HERPUD2: variants seen among roughly 807,000 people sequenced by gnomAD.
HERPUD2 encodes HERPUD family member 2.
HERPUD2 carries 13 observed loss-of-function variants against 49.9 expected under a neutral mutation model. The observed-to-expected ratio is 0.26, with a 90% CI of 0.17 to 0.41. The LOEUF (loss-of-function observed/expected upper bound fraction) is 0.41. HERPUD2 is among the 10% of genes least tolerant of loss of function. HERPUD2 has a pLI of 1.00. For missense variants in HERPUD2, 449 were observed against 492.2 expected (o/e 0.91, Z 0.83); for synonymous variants, 172 against 171.4 (o/e 1.00, Z -0.03).
At chr7:35,692,387 G>T (rs1295061812) in intron 2 of HERPUD2, among the ~76,000 whole-genome samples, 1 of 152,172 alleles carries the variant, frequency 6.6e-6, no homozygotes, top group Non-Finnish European at 1.5e-5. Context: ...ACAATGTAAA[G>T]ATCTCGCCTA....
intron 5 of HERPUD2, among the ~76,000 whole-genome samples, chr7:35,661,657 A>G (rs1785424790): frequency 6.6e-6 from 1 of 152,188 alleles, no homozygotes; most frequent in African/African-American, 2.4e-5. Context: ...GAGTTCACTC[A>G]TGATTTGGCT....
chr7:35,685,149 G>A (rs182805720), intron 2 of HERPUD2, among the ~76,000 whole-genome samples: 12 of 151,834 alleles, frequency 7.9e-5, no homozygotes, highest in Non-Finnish European at 1.8e-4. Context: ...GCTGGGGTAG[G>A]AGGATCACTT....
intron 5 of HERPUD2, among the ~76,000 whole-genome samples, chr7:35,660,927 G>A (rs1785404987): frequency 1.3e-5 from 2 of 152,250 alleles, no homozygotes; most frequent in South Asian, 4.2e-4. Flanking sequence ...CATTGCTTTT[G>A]GTGTTTTAGA....
chr7:35,658,014 T>G (rs1302201299), intron 5 of HERPUD2, among the ~76,000 whole-genome samples: 1 of 152,068 alleles, frequency 6.6e-6, no homozygotes, highest in East Asian at 1.9e-4. Context: ...AGGAAAAGTA[T>G]GTCAAAGATA....
At chr7:35,634,223 G>C in intron 8 of HERPUD2, 89 bp downstream of exon 8, 2 of 815,240 alleles carry the variant, frequency 2.5e-6, no homozygotes, top group East Asian at 4.9e-5. Flanking sequence ...AATACTTATG[G>C]AACATCCAAC....
At chr7:35,658,766 AGACT>A (rs1785344654) in intron 5 of HERPUD2, among the ~76,000 whole-genome samples, 1 of 152,216 alleles carries the variant, frequency 6.6e-6, no homozygotes, top group South Asian at 2.1e-4. Context: ...ACCACACAAC[AGACT>A]GAGTCCAAAA....
At chr7:35,655,151 C>T in intron 5 of HERPUD2, among the ~76,000 whole-genome samples, 1 of 152,154 alleles carries the variant, frequency 6.6e-6, no homozygotes, top group East Asian at 1.9e-4. Context: ...CTGTGCCCAG[C>T]CTTGACCAAT....
At chr7:35,638,840 C>T (rs1784917573) in intron 5 of HERPUD2, among the ~76,000 whole-genome samples, 1 of 151,738 alleles carries the variant, frequency 6.6e-6, no homozygotes, top group South Asian at 2.1e-4. Context: ...AATTTCATGA[C>T]AAAATATTTT....
At chr7:35,641,339 G>GA (rs1378040687) in intron 5 of HERPUD2, among the ~76,000 whole-genome samples, 2 of 151,824 alleles carry the variant, frequency 1.3e-5, no homozygotes, top group African/African-American at 2.4e-5. Flanking sequence ...TTGCTCTATG[G>GA]AAAAAAAATT....
At chr7:35,654,152 C>T (rs1481314838) in intron 5 of HERPUD2, among the ~76,000 whole-genome samples, 2 of 151,680 alleles carry the variant, frequency 1.3e-5, no homozygotes, top group Non-Finnish European at 2.9e-5. Context: ...CAAAAATACA[C>T]CCCCAAGAAC....
Position 35,633,845 on chromosome 7 carries a change from G to C in HERPUD2, c.1066C>G (p.Leu356Val), listed in dbSNP as rs757483738. 1 of 1,612,770 alleles carries C rather than the reference G, an allele frequency of 6.2e-7. No individual in the cohort carries two copies. Among genetic ancestry groups the C allele is most frequent in the South Asian group, 1.1e-5 (1 of 90,822 alleles). The change falls in exon 9 of 9, where the codon CTT becomes GTT. Residue 356 changes from leucine (L) to valine (V), a missense_variant. Physicochemically the swap from Leu to Val is conservative, Grantham distance 32. Transcript: ENST00000311350. ...NNLELEEMER[L>V]MDDGLEDESG... is the part of the protein sequence containing the mutation. The stretch of plus-strand genomic sequence containing the variant: ...TCATCTTCAAGCCCATCATCCATAA[G>C]ACGCTCCTTTCAAGCAAAACAAGAA...
intron 5 of HERPUD2, among the ~76,000 whole-genome samples, chr7:35,639,023 A>G (rs1347513723): frequency 6.6e-6 from 1 of 151,986 alleles, no homozygotes; most frequent in Non-Finnish European, 1.5e-5. Context: ...AGTAGGTTAA[A>G]ATTTTATTTC....
intron 2 of HERPUD2, among the ~76,000 whole-genome samples, chr7:35,677,285 C>T (rs986839228): frequency 6.6e-5 from 10 of 152,156 alleles, no homozygotes; most frequent in Admixed American, 5.9e-4. Flanking sequence ...GAGATTACTG[C>T]TTAGCAGCAT....
intron 6 of HERPUD2, among the ~76,000 whole-genome samples, chr7:35,637,368 A>AC (rs1363414577): frequency 3.9e-5 from 6 of 152,212 alleles, no homozygotes. Flanking sequence ...TTCATAAAAT[A>AC]CTGCTTTCAG....
chr7:35,658,249 T>C (rs1785325742), intron 5 of HERPUD2, among the ~76,000 whole-genome samples: 1 of 152,196 alleles, frequency 6.6e-6, no homozygotes, highest in South Asian at 2.1e-4. Context: ...TATTTCATAT[T>C]CTCACTCATA....
chr7:35,660,530 C>A (rs1785391558), intron 5 of HERPUD2, among the ~76,000 whole-genome samples: 2 of 152,214 alleles, frequency 1.3e-5, no homozygotes. Context: ...CACATCCTCT[C>A]CAGCACCTGT....
intron 5 of HERPUD2, among the ~76,000 whole-genome samples, chr7:35,649,387 G>C (rs1040220249): frequency 1.3e-5 from 2 of 152,128 alleles, no homozygotes; most frequent in Non-Finnish European, 2.9e-5. Context: ...GTGTTTAGAA[G>C]GATAGTTACT....
intron 5 of HERPUD2, among the ~76,000 whole-genome samples, chr7:35,641,874 C>A (rs1198621116): frequency 2.0e-5 from 3 of 152,130 alleles, no homozygotes; most frequent in Non-Finnish European, 4.4e-5. Flanking sequence ...GTAAGACAAC[C>A]TAGGCAATAC....
At chr7:35,634,668 CAT>C (rs1784841575) in intron 7 of HERPUD2, among the ~76,000 whole-genome samples, 1 of 152,102 alleles carries the variant, frequency 6.6e-6, no homozygotes, top group Admixed American at 6.5e-5. Context: ...GTTATTAAAA[CAT>C]ATCAGGAATC....
Sources: gnomAD v4.1 joint callset for allele counts (sites outside exome capture counted in the v4.1 genomes callset) on GRCh38, gnomAD v4.1.1 for gene constraint, MANE v1.5 for transcripts, NCBI Gene and HGNC (gene_info 2026-07-23, HGNC 2026-07-21) for gene names.